GPM6A: variants seen among roughly 807,000 people sequenced by gnomAD.
GPM6A encodes the protein neuronal membrane glycoprotein M6-a.
GPM6A carries 7 observed loss-of-function variants against 32.1 expected under a neutral mutation model. That is an observed-to-expected ratio of 0.22 (90% confidence interval 0.12 to 0.41). The LOEUF is 0.41. Ranked by LOEUF, GPM6A falls within the 10% of genes least tolerant of loss-of-function variation. The probability of loss-of-function intolerance (pLI) is 1.00; values close to 1 mark genes in which losing one functional copy is unlikely to be tolerated. For missense variants in GPM6A, 235 were observed against 347.2 expected (o/e 0.68, Z 2.57); for synonymous variants, 130 against 123.4 (o/e 1.05, Z -0.35).
chr4:175,875,912 A>C (rs1470653735), intron 1 of GPM6A, among the ~76,000 whole-genome samples: 1 of 152,200 alleles, frequency 6.6e-6, no homozygotes, highest in African/African-American at 2.4e-5. Context: ...CTAACCCTTG[A>C]TGTAAATCTT....
At chr4:175,717,281 T>C (rs2111106541) in intron 1 of GPM6A, among the ~76,000 whole-genome samples, 1 of 152,294 alleles carries the variant, frequency 6.6e-6, no homozygotes, top group South Asian at 2.1e-4. Flanking sequence ...ATCTCTTCCT[T>C]AGAGAGAATC....
At chr4:175,852,372 A>G (rs558968741) in intron 1 of GPM6A, among the ~76,000 whole-genome samples, 2 of 151,944 alleles carry the variant, frequency 1.3e-5, no homozygotes, top group Non-Finnish European at 2.9e-5. Context: ...ACGGAGATAA[A>G]TGAATCGCCA....
At chr4:175,908,259 A>G (rs1385155351) in intron 1 of GPM6A, among the ~76,000 whole-genome samples, 1 of 152,154 alleles carries the variant, frequency 6.6e-6, no homozygotes, top group African/African-American at 2.4e-5. Flanking sequence ...CAGATGCCCT[A>G]TTACCACTCA....
At chr4:175,671,680 C>T (rs973892133) in intron 3 of GPM6A, among the ~76,000 whole-genome samples, 7 of 152,124 alleles carry the variant, frequency 4.6e-5, no homozygotes, top group Non-Finnish European at 8.8e-5. Context: ...TGGCTGCAGC[C>T]GCCACTGTTT....
intron 1 of GPM6A, among the ~76,000 whole-genome samples, chr4:175,859,654 C>A (rs1736515621): frequency 6.6e-6 from 1 of 152,076 alleles, no homozygotes; most frequent in South Asian, 2.1e-4. Context: ...AGATTCTCTC[C>A]CCACTCCCCA....
At chr4:175,844,824 T>C (rs757137304) in intron 1 of GPM6A, among the ~76,000 whole-genome samples, 1 of 152,306 alleles carries the variant, frequency 6.6e-6, no homozygotes, top group South Asian at 2.1e-4. Flanking sequence ...ATTTTAAAAG[T>C]ATCTCTTGGG....
In GPM6A at chr4:175,714,173, G is replaced by A. The variant is rs200390618; in HGVS notation, c.38-12406C>T. 2.9e-3 allele frequency among the ~76,000 whole-genome samples: 434 copies of A among 152,086 alleles called. 2 individuals carry two copies. Among genetic ancestry groups the A allele is most frequent in the African/African-American group, 0.01 (418 of 41,490 alleles). ...TGATACTACAAGATATGCAAGCCACGCAGTATTCTATAAAATCACATTAGA... is the reference window on the plus strand; with the variant it reads ...TGATACTACAAGATATGCAAGCCACACAGTATTCTATAAAATCACATTAGA... On this transcript the variant is annotated intron_variant, in intron 1 of 6. Coordinates refer to ENST00000393658, the MANE Select transcript of GPM6A (RefSeq NM_201591.3).
chr4:175,798,165 C>T (rs1734313361), intron 1 of GPM6A, among the ~76,000 whole-genome samples: 2 of 152,200 alleles, frequency 1.3e-5, no homozygotes, highest in South Asian at 4.1e-4. Context: ...AACCTCAAAT[C>T]ACAAACATAA....
At chr4:175,833,108 G>C (rs1030835216) in intron 1 of GPM6A, among the ~76,000 whole-genome samples, 1 of 152,208 alleles carries the variant, frequency 6.6e-6, no homozygotes, top group African/African-American at 2.4e-5. Flanking sequence ...TGCTTTCTCA[G>C]AATATGGGAG....
intron 3 of GPM6A, among the ~76,000 whole-genome samples, chr4:175,653,928 T>G (rs181206326): frequency 1.3e-5 from 2 of 152,062 alleles, no homozygotes; most frequent in Admixed American, 1.3e-4. Context: ...ATGAAGCACA[T>G]CAATAGGTGA....
At chr4:175,700,425 T>C (rs1173642479) in intron 2 of GPM6A, among the ~76,000 whole-genome samples, 1 of 152,096 alleles carries the variant, frequency 6.6e-6, no homozygotes, top group African/African-American at 2.4e-5. Context: ...GACCAAGTGT[T>C]TTTTCAGAGT....
chr4:175,676,381 T>A (rs1056937092), intron 2 of GPM6A, among the ~76,000 whole-genome samples: 1 of 152,172 alleles, frequency 6.6e-6, no homozygotes, highest in Non-Finnish European at 1.5e-5. Context: ...ATAAGTTTCA[T>A]AAAGACAGAA....
At chr4:175,677,221 A>G (rs1553972468) in intron 2 of GPM6A, among the ~76,000 whole-genome samples, 1 of 152,168 alleles carries the variant, frequency 6.6e-6, no homozygotes, top group Non-Finnish European at 1.5e-5. Flanking sequence ...GAATGAACAC[A>G]TTTTTGCTAT....
intron 1 of GPM6A, among the ~76,000 whole-genome samples, chr4:175,797,675 T>C (rs954848198): frequency 2.6e-5 from 4 of 152,194 alleles, no homozygotes; most frequent in African/African-American, 9.6e-5. Context: ...CCAATCATTT[T>C]ACAATACTTT....
At chr4:175,720,846 A>T (rs1746079519) in intron 1 of GPM6A, among the ~76,000 whole-genome samples, 1 of 152,040 alleles carries the variant, frequency 6.6e-6, no homozygotes, top group African/African-American at 2.4e-5. Context: ...AAGAAACCTT[A>T]GAAATGTATT....
chr4:175,825,460 G>T (rs889462127), intron 1 of GPM6A, among the ~76,000 whole-genome samples: 1 of 152,072 alleles, frequency 6.6e-6, no homozygotes, highest in African/African-American at 2.4e-5. Context: ...CTGGGTCCTC[G>T]CTCCCATGGT....
intron 4 of GPM6A, chr4:175,642,062 T>C (rs1741178962): frequency 2.0e-5 from 3 of 152,222 alleles, no homozygotes; most frequent in African/African-American, 7.2e-5. Context: ...ACTCTCCCTC[T>C]CTTACAGAGC....
At chr4:175,738,508 A>G (rs1731753817) in intron 1 of GPM6A, among the ~76,000 whole-genome samples, 1 of 152,100 alleles carries the variant, frequency 6.6e-6, no homozygotes. Flanking sequence ...CTAAATTGGC[A>G]AGCAAAGGAC....
chr4:175,749,066 G>A (rs1732216276), intron 1 of GPM6A, among the ~76,000 whole-genome samples: 1 of 152,088 alleles, frequency 6.6e-6, no homozygotes, highest in African/African-American at 2.4e-5. Context: ...TCTCTTCTGG[G>A]AGTTGGATAG....
Sources: allele counts gnomAD v4.1 joint callset (sites outside exome capture counted in the v4.1 genomes callset), GRCh38; gene constraint gnomAD v4.1.1; transcripts MANE v1.5; gene names NCBI Gene and HGNC (gene_info 2026-07-23, HGNC 2026-07-21).